The following ZC3H12B variants were observed in gnomAD, a reference collection of about 807,000 sequenced individuals.
The protein encoded by ZC3H12B is zinc finger CCCH-type containing 12B.
ZC3H12B carries 7 observed loss-of-function variants against 43.9 expected under a neutral mutation model. That is an observed-to-expected ratio of 0.16 (90% CI 0.09 to 0.30). The LOEUF (loss-of-function observed/expected upper bound fraction) is 0.30. Ranked by LOEUF, ZC3H12B falls within the 10% of genes least tolerant of loss-of-function variation. ZC3H12B has a pLI of 1.00. For missense variants in ZC3H12B, 475 were observed against 670.2 expected, an observed-to-expected ratio of 0.71 and a Z score of 3.22; for synonymous variants, 222 against 241.7, an observed-to-expected ratio of 0.92 and a Z score of 0.76.
At chrX:65,301,963 C>T in the ZC3H12B span, among the ~76,000 whole-genome samples, 3 of 110,887 alleles carry the variant, frequency 2.7e-5, no homozygotes, top group East Asian at 2.8e-4. Flanking sequence ...TCAAAATCCA[C>T]GTTCCATTTA....
chrX:65,347,432 A>C, the ZC3H12B span, among the ~76,000 whole-genome samples: 1 of 112,154 alleles, frequency 8.9e-6, no homozygotes, highest in African/African-American at 3.2e-5. Context: ...AAAGGATATG[A>C]ACAGACAGTT....
the ZC3H12B span, among the ~76,000 whole-genome samples, chrX:65,083,195 CG>C: frequency 5.4e-5 from 6 of 111,001 alleles, no homozygotes; most frequent in African/African-American, 2.0e-4. Flanking sequence ...CCTCTAGACT[CG>C]GGAATGCAAC....
chrX:65,375,736 C>T (rs2066337724), intron 2 of ZC3H12B, among the ~76,000 whole-genome samples: 1 of 111,290 alleles, frequency 9.0e-6, no homozygotes, highest in Non-Finnish European at 1.9e-5. Flanking sequence ...CCAATCCAGG[C>T]AGGACCCATC....
chrX:65,444,783 A>G (rs969069861), intron 3 of ZC3H12B, among the ~76,000 whole-genome samples: 2 of 112,102 alleles, frequency 1.8e-5, no homozygotes, highest in African/African-American at 6.5e-5. Context: ...GAGACTGAAT[A>G]AACTTTCTAT....
the ZC3H12B span, among the ~76,000 whole-genome samples, chrX:65,268,852 A>G: frequency 8.9e-6 from 1 of 112,183 alleles, no homozygotes; most frequent in East Asian, 2.8e-4. Flanking sequence ...GCCCACTCTC[A>G]CTACTTCTAT....
At chrX:65,244,121 A>G in the ZC3H12B span, among the ~76,000 whole-genome samples, 1 of 111,661 alleles carries the variant, frequency 9.0e-6, no homozygotes, top group Non-Finnish European at 1.9e-5. Flanking sequence ...GAAGAGTGGA[A>G]TGGTACTATC....
In ZC3H12B at chrX:65,502,879, T is replaced by C. The variant is rs377369268; in HGVS notation, c.2181T>C (p.His727=). The C allele has an allele frequency of 2.9e-5, 35 of 1,209,712 alleles. No individual in the cohort carries two copies. In the African/African-American group the frequency reaches 5.3e-4, roughly 18 times the overall value. Residue 727 remains histidine (H), a synonymous_variant, in exon 5 of 5, where the codon CAT becomes CAC. Transcript: ENST00000338957. The stretch of plus-strand genomic sequence containing the variant: ...GACCTCCCCTGTGCCGGGAACAGCA[T>C]GCCAGCTGGGACCCGCTGCCCTGTA...
At chrX:65,348,300 G>T in the ZC3H12B span, among the ~76,000 whole-genome samples, 2 of 111,456 alleles carry the variant, frequency 1.8e-5, no homozygotes, top group Non-Finnish European at 3.8e-5. Flanking sequence ...ATCTTTTACA[G>T]GGAAGCAAAT....
the ZC3H12B span, among the ~76,000 whole-genome samples, chrX:65,349,564 A>G: frequency 8.9e-6 from 1 of 111,829 alleles, no homozygotes; most frequent in Non-Finnish European, 1.9e-5. Context: ...CAAAAAATCA[A>G]TGAATCCAGG....
chrX:65,201,023 G>C, the ZC3H12B span, among the ~76,000 whole-genome samples: 1 of 111,765 alleles, frequency 8.9e-6, no homozygotes, highest in Non-Finnish European at 1.9e-5. Flanking sequence ...ATGTCTGCCA[G>C]GTTTTGGTAT....
At chrX:65,494,783 AAAATAAATAAAT>A (rs59246172) in intron 1 of ZC3H12B, among the ~76,000 whole-genome samples, 286 of 101,064 alleles carry the variant, frequency 2.8e-3, no homozygotes, top group South Asian at 7.9e-3. Flanking sequence ...TCTGTCCCAA[AAAATAAATAAAT>A]AAATAAATAA....
the ZC3H12B span, among the ~76,000 whole-genome samples, chrX:65,221,228 T>G: frequency 1.6e-4 from 18 of 111,756 alleles, no homozygotes; most frequent in Admixed American, 1.6e-3. Context: ...GTTCATAGCA[T>G]TAAATGCCTA....
the ZC3H12B span, among the ~76,000 whole-genome samples, chrX:65,148,906 G>C: frequency 1.5e-4 from 17 of 111,681 alleles, no homozygotes; most frequent in Non-Finnish European, 2.6e-4. Context: ...GTCTGGACCT[G>C]TCAGTGCTCT....
the ZC3H12B span, among the ~76,000 whole-genome samples, chrX:65,304,988 C>G: frequency 2.7e-5 from 3 of 111,425 alleles, no homozygotes; most frequent in Non-Finnish European, 5.7e-5. Flanking sequence ...AAATAATGGA[C>G]ACAAGCTTTG....
the ZC3H12B span, among the ~76,000 whole-genome samples, chrX:65,316,798 A>G: frequency 8.9e-6 from 1 of 111,766 alleles, no homozygotes; most frequent in Non-Finnish European, 1.9e-5. Flanking sequence ...ATATATCAAT[A>G]ATAACTTTGA....
the ZC3H12B span, among the ~76,000 whole-genome samples, chrX:65,262,340 G>A: frequency 9.0e-6 from 1 of 110,661 alleles, no homozygotes; most frequent in Non-Finnish European, 1.9e-5. Context: ...GAAGGAAGTC[G>A]ATATTGTCTT....
At chrX:65,254,948 G>A in the ZC3H12B span, among the ~76,000 whole-genome samples, 12 of 111,404 alleles carry the variant, frequency 1.1e-4, no homozygotes, top group Non-Finnish European at 1.9e-5. Flanking sequence ...AATCAACCAA[G>A]CTGAGGAAAG....
the ZC3H12B span, among the ~76,000 whole-genome samples, chrX:65,219,949 T>C: frequency 9.0e-6 from 1 of 110,724 alleles, no homozygotes; most frequent in Non-Finnish European, 1.9e-5. Context: ...TTAACAGTTG[T>C]GAGGCAAATG....
chrX:65,390,806 G>T (rs1380048853), intron 2 of ZC3H12B, among the ~76,000 whole-genome samples: 1 of 111,623 alleles, frequency 9.0e-6, no homozygotes, highest in Non-Finnish European at 1.9e-5. Flanking sequence ...CATTCTCAAG[G>T]ATAGACCATA....
Sources: allele counts gnomAD v4.1 joint callset (sites outside exome capture counted in the v4.1 genomes callset), GRCh38; gene constraint gnomAD v4.1.1; transcripts MANE v1.5; gene names NCBI Gene and HGNC (gene_info 2026-07-23, HGNC 2026-07-21).